Variants in TRIM47 observed in about 807,000 individuals in gnomAD.
TRIM47 encodes E3 ubiquitin-protein ligase TRIM47.
In TRIM47, 46 loss-of-function variants were observed where a neutral mutation model predicts 54.4. The ratio of observed to expected loss-of-function variants is 0.84; its 90% confidence interval spans 0.67 to 1.08. The LOEUF is 1.08. Among genes scored for constraint, TRIM47 ranks in the 50% least tolerant of loss-of-function variants. TRIM47 has a pLI of 0.00. For synonymous variants in TRIM47, 392 were observed against 410.2 expected (o/e 0.96, Z 0.54); for missense variants, 825 against 910.1 (o/e 0.91, Z 1.20).
In TRIM47 at chr17:75,874,683, G is replaced by A. The variant is rs1357229420; in HGVS notation, c.1717C>T (p.Arg573Trp). ...AVRDGKMSLL[R>W]RLKASRPRRG... ...CGGGGCCGGGAGGCCTTCAGCCTCC[G>A]CAGGAGGCTCATCTTGCCGTCCCGT... Residue 573 changes from arginine to tryptophan, a missense_variant, in exon 6 of 6, where the codon CGG becomes TGG. Coordinates refer to ENST00000254816, the MANE Select transcript of TRIM47 (RefSeq NM_033452.3). The surrounding 1 kb of genome is among the most constrained non-coding windows in gnomAD (Gnocchi z 6.2). 11 of 1,607,276 alleles carry A rather than the reference G, an allele frequency of 6.8e-6. 1 individual carries two copies. The highest frequency in any genetic ancestry group is 1.7e-5 in the Admixed American group (1 of 59,592).
intron 3 of TRIM47, 68 bp downstream of exon 3, chr17:75,876,194 C>A: frequency 6.4e-7 from 1 of 1,560,954 alleles, no homozygotes; most frequent in Non-Finnish European, 8.7e-7. Context: ...GCACCCACTG[C>A]CTCCTCCTCC....
chr17:75,875,469 C>T lies in TRIM47; in HGVS notation c.1207G>A (p.Ala403Thr), dbSNP rs2065127807. ...GPQKLDSEADAEPQDLESTNL... is the reference protein window; with the variant it reads ...GPQKLDSEADTEPQDLESTNL... ...GTACTCTCGAGGTCTTGGGGCTCAG[C>T]ATCAGCTGTAGAAGAGGAGACAGTG... Residue 403 changes from alanine to threonine, a missense_variant, in exon 5 of 6, where the codon GCT becomes ACT. By Grantham distance (58) the Ala-to-Thr change is moderately conservative (BLOSUM62 0). Transcript: ENST00000254816. This position sits in a 1 kb window ranked among gnomAD's most constrained non-coding sequence, Gnocchi z 6.1. The T allele has an allele frequency of 6.2e-7, 1 of 1,614,094 alleles. No individual in the cohort carries two copies. Among genetic ancestry groups the T allele is most frequent in the Non-Finnish European group, 8.5e-7 (1 of 1,179,986 alleles).
rs2065128792 is a variant in TRIM47, at chr17:75,875,646, C to T, written c.1202-172G>A. 1 of 731,156 alleles carries T rather than the reference C, an allele frequency of 1.4e-6. No homozygotes were observed. Among genetic ancestry groups the T allele is most frequent in the African/African-American group, 1.7e-5 (1 of 57,534 alleles). 45.3% of individuals were successfully genotyped at this position (731,156 alleles called of 1,614,324 possible). ...CACATGCCCGTTGCCTGTGTTCTGC[C>T]TCTTGCCCCATGTGCTTCCCGGGCC... On this transcript the variant is annotated intron_variant, in intron 4 of 5. Coordinates refer to ENST00000254816, the MANE Select transcript of TRIM47 (RefSeq NM_033452.3). This position sits in a 1 kb window ranked among gnomAD's most constrained non-coding sequence, Gnocchi z 6.1.
Position 75,876,435 on chromosome 17 carries a change from C to A in TRIM47, c.829G>T (p.Ala277Ser). ...VSRLFADAAA[A>S]LQGFQTQVLG... ...ACCTGGGTCTGGAAGCCCTGCAGGG[C>A]GGCCGCAGCATCTGCAAACAGCCGG... The change falls in exon 3 of 6, where the codon GCC becomes TCC. Residue 277 changes from alanine (A) to serine (S), a missense_variant. Ala to Ser is a moderately conservative substitution (Grantham distance 99). Coordinates refer to ENST00000254816, the MANE Select transcript of TRIM47 (RefSeq NM_033452.3). 5 of 1,611,460 alleles carry A rather than the reference C, an allele frequency of 3.1e-6. No homozygotes were observed. The highest frequency in any genetic ancestry group is 4.2e-6 in the Non-Finnish European group (5 of 1,179,888).
At chr17:75,877,013 G>C in intron 1 of TRIM47, 200 bp from the exon 2 acceptor site, 1 of 591,786 alleles carries the variant, frequency 1.7e-6, no homozygotes, top group Non-Finnish European at 3.0e-6. Context: ...GAACGCCTGG[G>C]GGGCGTGCAG....
In TRIM47 at chr17:75,876,789, C is replaced by A; in HGVS notation, c.700G>T (p.Ala234Ser). 1.9e-6 allele frequency: 3 copies of A among 1,614,158 alleles called. No individual in the cohort carries two copies. The highest frequency in any genetic ancestry group is 1.7e-6 in the Non-Finnish European group (2 of 1,180,028). ...QEAEQSKVLSAVEDRMDELGA... is the reference protein window; with the variant it reads ...QEAEQSKVLSSVEDRMDELGA... ...AGCTCGTCCATGCGGTCCTCCACGG[C>A]GCTCAGGACTTTGGACTGCTCAGCC... The change falls in exon 2 of 6, where the codon GCC (alanine) becomes TCC (serine). Residue 234 changes from alanine (A) to serine (S), a missense_variant. Ala to Ser is a moderately conservative substitution (Grantham distance 99). Coordinates refer to ENST00000254816, the MANE Select transcript of TRIM47 (RefSeq NM_033452.3).
chr17:75,875,947 C>T lies in TRIM47; in HGVS notation c.1155G>A (p.Arg385=). The T allele has an allele frequency of 1.2e-6, 2 of 1,611,408 alleles. No homozygotes were observed. Among genetic ancestry groups the T allele is most frequent in the Middle Eastern group, 1.6e-4 (1 of 6,062 alleles). ...GCCCATCCTCGTTGCCACCCGGCCC[C>T]CTCAGCTGCTCCCACTGGTTGACGC... The part of the protein sequence containing the change: ...VACVNQWEQL[R]GPGGNEDGPQ... Residue 385 remains arginine (R), a synonymous_variant, in exon 4 of 6, where the codon AGG becomes AGA. Transcript: ENST00000254816. This position sits in a 1 kb window ranked among gnomAD's most constrained non-coding sequence, Gnocchi z 6.1.
intron 1 of TRIM47, chr17:75,877,057 G>A (rs2065139934): frequency 1.8e-6 from 1 of 561,528 alleles, no homozygotes; most frequent in Non-Finnish European, 3.2e-6. Context: ...TCTCTGACAG[G>A]AGGCCTAGTA....
In TRIM47 at chr17:75,874,871, C is replaced by T. The variant is rs1316099997; in HGVS notation, c.1529G>A (p.Arg510His). 6.2e-6 allele frequency: 10 copies of T among 1,614,152 alleles called. No homozygotes were observed. The highest frequency in any genetic ancestry group is 2.2e-5 in the East Asian group (1 of 44,866). ...EDFSPQEPYD[R>H]GRLGRNAHSC... ...GTGGGCGTTGCGGCCCAGCCGGCCGCGGTCGTAGGGCTCTTGTGGGGAGAA... is the reference window on the plus strand; with the variant it reads ...GTGGGCGTTGCGGCCCAGCCGGCCGTGGTCGTAGGGCTCTTGTGGGGAGAA... Residue 510 changes from arginine to histidine, a missense_variant, in exon 6 of 6, where the codon CGC becomes CAC. By Grantham distance (29) the Arg-to-His change is conservative (BLOSUM62 0). Coordinates refer to ENST00000254816, the MANE Select transcript of TRIM47 (RefSeq NM_033452.3). The surrounding 1 kb of genome is among the most constrained non-coding windows in gnomAD (Gnocchi z 6.2).
At position 75,875,561 on chromosome 17, in the gene TRIM47, C is replaced by T; in HGVS notation, c.1202-87G>A. On this transcript the variant is annotated intron_variant, in intron 4 of 5. Coordinates refer to ENST00000254816, the MANE Select transcript of TRIM47 (RefSeq NM_033452.3). The surrounding 1 kb of genome is among the most constrained non-coding windows in gnomAD (Gnocchi z 6.1). ...ACAATCCCTACCCCCTTCACTTCCT[C>T]CCAGAGTCCAGAGCCACCAGGGAGC... The T allele has an allele frequency of 1.6e-6, 2 of 1,253,808 alleles. No homozygotes were observed. Among genetic ancestry groups the T allele is most frequent in the Non-Finnish European group, 2.3e-6 (2 of 863,896 alleles). 77.7% of individuals were successfully genotyped at this position (1,253,808 alleles called of 1,614,324 possible).
chr17:75,878,057 G>T lies in TRIM47; in HGVS notation c.492C>A (p.Ala164=). The change falls in exon 1 of 6, where the codon GCC becomes GCA. Residue 164 remains alanine (A), a synonymous_variant. Transcript: ENST00000254816. ...GCGGCACCAGGCGGTGTCCGCGGAG[G>T]GCGGGGCTGCGCTCGTGCGGGCCCA... is the stretch of plus-strand genomic sequence containing the variant. ...AHLGPHERSP[A]LRGHRLVPPL... is the part of the protein sequence containing the mutation. 7.2e-7 allele frequency: 1 copy of T among 1,385,514 alleles called. No individual in the cohort carries two copies. The highest frequency in any genetic ancestry group is 9.3e-7 in the Non-Finnish European group (1 of 1,073,676). The allele number at this position is 1,385,514 out of a possible 1,614,324, so 85.8% of individuals were successfully genotyped here.
At position 75,876,813 on chromosome 17, in the gene TRIM47, C is replaced by A. The variant is rs201164040; in HGVS notation, c.676G>T (p.Ala226Ser). The A allele has an allele frequency of 1.1e-4, 176 of 1,613,846 alleles. 1 individual carries two copies. The highest frequency in any genetic ancestry group is 9.8e-4 in the Admixed American group (59 of 60,018). The change falls in exon 2 of 6, where the codon GCT becomes TCT. Residue 226 changes from alanine to serine, a missense_variant and splice_region_variant. Ala to Ser is a moderately conservative substitution (Grantham distance 99). Coordinates refer to ENST00000254816, the MANE Select transcript of TRIM47 (RefSeq NM_033452.3). Reference sequence around the variant, plus strand: ...GCGCTCAGGACTTTGGACTGCTCAGCCTGTGGACAACACCCTCCATGAGTG... The same window carrying A: ...GCGCTCAGGACTTTGGACTGCTCAGACTGTGGACAACACCCTCCATGAGTG... ...PLEQERALQE[A>S]EQSKVLSAVE...
In TRIM47 at chr17:75,874,201, C is replaced by T; in HGVS notation, c.*282G>A. 1 of 337,106 alleles carries T rather than the reference C, an allele frequency of 3.0e-6. No individual in the cohort carries two copies. Among genetic ancestry groups the T allele is most frequent in the Non-Finnish European group, 5.4e-6 (1 of 186,334 alleles). The allele number at this position is 337,106 out of a possible 1,614,324, so 20.9% of individuals were successfully genotyped here. ...GTGTTTATTGAGCATCTACTACATG[C>T]CAGACACTATTCTAGAAACCTGGGA... On this transcript the variant is annotated 3_prime_UTR_variant, in exon 6 of 6. Transcript: ENST00000254816. The surrounding 1 kb of genome is among the most constrained non-coding windows in gnomAD (Gnocchi z 6.2).
rs1599435530 is a variant in TRIM47 at position 75,875,217 on chromosome 17, T to G, written c.1277-94A>C. ...GTACCCACCCCCCCAAAACACAGCC[T>G]CTCCCCTGCTTTCCAACCGGCACAA... On this transcript the variant is annotated intron_variant, in intron 5 of 5. Transcript: ENST00000254816. The surrounding 1 kb of genome is among the most constrained non-coding windows in gnomAD (Gnocchi z 6.1). 1 of 1,092,444 alleles carries G rather than the reference T, an allele frequency of 9.2e-7. No homozygotes were observed. Among genetic ancestry groups the G allele is most frequent in the Non-Finnish European group, 1.1e-6 (1 of 870,008 alleles). 67.7% of individuals were successfully genotyped at this position (1,092,444 alleles called of 1,614,324 possible).
Position 75,877,891 on chromosome 17 carries a change from C to G in TRIM47, c.658G>C (p.Glu220Gln). The G allele has an allele frequency of 7.1e-7, 1 of 1,403,732 alleles. No homozygotes were observed. Among genetic ancestry groups the G allele is most frequent in the Non-Finnish European group, 9.2e-7 (1 of 1,081,692 alleles). The allele number at this position is 1,403,732 out of a possible 1,614,324, so 87.0% of individuals were successfully genotyped here. Reference sequence around the variant, plus strand: ...GAGCCCACCTCCTGAAGCGCGCGCTCCTGCTCCAGCGGCACCAGCTCGTGG... The same window carrying G: ...GAGCCCACCTCCTGAAGCGCGCGCTGCTGCTCCAGCGGCACCAGCTCGTGG... Reference protein sequence around the residue: ...RGHELVPLEQERALQEAEQSK... With the variant: ...RGHELVPLEQQRALQEAEQSK... Residue 220 changes from glutamate (E) to glutamine (Q), a missense_variant, in exon 1 of 6, where the codon GAG becomes CAG. Transcript: ENST00000254816.
At position 75,878,172 on chromosome 17, in the gene TRIM47, G is replaced by T; in HGVS notation, c.377C>A (p.Pro126Gln). ...APEPWPAGEE[P>Q]VRCDACPEGA... is the part of the protein sequence containing the mutation. The stretch of plus-strand genomic sequence containing the variant: ...CTCGGGGCACGCGTCGCAGCGCACT[G>T]GCTCTTCGCCCGCGGGCCACGGCTC... The change falls in exon 1 of 6, where the codon CCA becomes CAA. Residue 126 changes from proline (P) to glutamine (Q), a missense_variant. Transcript: ENST00000254816. 7.3e-6 allele frequency: 9 copies of T among 1,232,772 alleles called. No individual in the cohort carries two copies. The highest frequency in any genetic ancestry group is 9.1e-6 in the Non-Finnish European group (9 of 988,716). 76.4% of individuals were successfully genotyped at this position (1,232,772 alleles called of 1,614,324 possible).
At position 75,874,232 on chromosome 17, in the gene TRIM47, G is replaced by T; in HGVS notation, c.*251C>A. The stretch of plus-strand genomic sequence containing the variant: ...ACTATTCTAGAAACCTGGGAAAGGA[G>T]GGGTTAGGGTAGCTTGGAGCTGTCC... On this transcript the variant is annotated 3_prime_UTR_variant, in exon 6 of 6. Transcript: ENST00000254816. This position sits in a 1 kb window ranked among gnomAD's most constrained non-coding sequence, Gnocchi z 6.2. 1 of 385,692 alleles carries T rather than the reference G, an allele frequency of 2.6e-6. No homozygotes were observed. The highest frequency in any genetic ancestry group is 3.8e-5 in the East Asian group (1 of 26,206). 23.9% of individuals were successfully genotyped at this position (385,692 alleles called of 1,614,324 possible). A position where few individuals can be genotyped will look rare whatever the true frequency, so the allele number is the denominator to read the frequency against.
At position 75,877,900 on chromosome 17, in the gene TRIM47, G is replaced by C; in HGVS notation, c.649C>G (p.Leu217Val). The change falls in exon 1 of 6, where the codon CTG becomes GTG. Residue 217 changes from leucine (L) to valine (V), a missense_variant. By Grantham distance (32) the Leu-to-Val change is conservative. Coordinates refer to ENST00000254816, the MANE Select transcript of TRIM47 (RefSeq NM_033452.3). ...TCCTGAAGCGCGCGCTCCTGCTCCA[G>C]CGGCACCAGCTCGTGGCCGCGGTGC... ...QEHRGHELVPLEQERALQEAE... is the reference protein window; with the variant it reads ...QEHRGHELVPVEQERALQEAE... 7.1e-7 allele frequency: 1 copy of C among 1,416,116 alleles called. No individual in the cohort carries two copies. Among genetic ancestry groups the C allele is most frequent in the Non-Finnish European group, 9.2e-7 (1 of 1,088,084 alleles). The allele number at this position is 1,416,116 out of a possible 1,614,324, so 87.7% of individuals were successfully genotyped here.
chr17:75,877,985 CG>C lies in TRIM47; in HGVS notation c.563del (p.Pro188ArgfsTer45). On this transcript the variant is annotated frameshift_variant, in exon 1 of 6. Transcript: ENST00000254816. LOFTEE classifies it high-confidence loss of function. ...GCTCCGCGCGGCAGTAGCGCTCGAGCGGCCGTAGGTGGCGCGGGCACAGGCT... is the reference window on the plus strand; with the variant it reads ...GCTCCGCGCGGCAGTAGCGCTCGAGCGCCGTAGGTGGCGCGGGCACAGGCT... ...EESLCPRHLRPLERYCRAERV... is the reference protein window; with the variant it reads ...EESLCPRHLRXLERYCRAERV... 2 of 1,463,624 alleles carry C rather than the reference CG, an allele frequency of 1.4e-6. No individual in the cohort carries two copies. Among genetic ancestry groups the C allele is most frequent in the South Asian group, 1.3e-5 (1 of 76,682 alleles). The allele number at this position is 1,463,624 out of a possible 1,614,324, so 90.7% of individuals were successfully genotyped here.
Sources: allele counts gnomAD v4.1 joint callset, GRCh38; gene constraint gnomAD v4.1.1; non-coding constraint Gnocchi (gnomAD v3.1); transcripts MANE v1.5; gene names NCBI Gene and HGNC (gene_info 2026-07-23, HGNC 2026-07-21).